Variants in CDC42BPA observed in about 807,000 individuals in gnomAD.
The protein encoded by CDC42BPA is serine/threonine-protein kinase MRCK alpha.
In CDC42BPA, 80 loss-of-function variants were observed where a neutral mutation model predicts 223.5. The observed-to-expected ratio is 0.36, with a 90% CI of 0.30 to 0.43. The LOEUF (loss-of-function observed/expected upper bound fraction) is 0.43. Among genes scored for constraint, CDC42BPA ranks in the 20% least tolerant of loss-of-function variants. The pLI is 1.00. For synonymous variants in CDC42BPA, 694 were observed against 718.6 expected (o/e 0.97, Z 0.55); for missense variants, 1,743 against 2,099.9 (o/e 0.83, Z 3.32).
intron 26 of CDC42BPA, 147 bp from the exon 27 acceptor site, chr1:227,033,562 T>C (rs565770288): frequency 1.3e-4 from 81 of 606,524 alleles, no homozygotes; most frequent in Non-Finnish European, 2.2e-4. Flanking sequence ...TCCCCCATTG[T>C]AATTAATAGT....
At chr1:227,288,489 G>A (rs930461613) in intron 1 of CDC42BPA, among the ~76,000 whole-genome samples, 13 of 151,966 alleles carry the variant, frequency 8.6e-5, no homozygotes, top group African/African-American at 2.4e-4. Flanking sequence ...CCTTAAGGCC[G>A]GGAGTTCAAG....
intron 5 of CDC42BPA, among the ~76,000 whole-genome samples, chr1:227,188,141 A>G (rs1261672074): frequency 6.6e-6 from 1 of 152,174 alleles, no homozygotes; most frequent in Non-Finnish European, 1.5e-5. Context: ...ATTAGTCTAA[A>G]AGATAACAGT....
At chr1:227,073,099 A>G (rs1161466205) in intron 19 of CDC42BPA, among the ~76,000 whole-genome samples, 1 of 152,142 alleles carries the variant, frequency 6.6e-6, no homozygotes, top group Non-Finnish European at 1.5e-5. Flanking sequence ...ACCATTAAAA[A>G]CTGAATTCAT....
At chr1:227,047,423 A>C (rs1446727717) in intron 23 of CDC42BPA, among the ~76,000 whole-genome samples, 1 of 151,934 alleles carries the variant, frequency 6.6e-6, no homozygotes, top group Admixed American at 6.6e-5. Flanking sequence ...TGGTTTATCC[A>C]AGGTTTATGT....
At position 227,212,448 on chromosome 1, in the gene CDC42BPA, AC is replaced by A. The variant is rs11326328; in HGVS notation, c.354+687del. Reference sequence around the variant, plus strand: ...AGTTAAAATACTGACAGAATTCTACACCAGTTAAGTTCTGCTTCCCTGAAGC... The same window carrying A: ...AGTTAAAATACTGACAGAATTCTACACAGTTAAGTTCTGCTTCCCTGAAGC... On this transcript the variant is annotated intron_variant, in intron 3 of 36. Transcript: ENST00000366766. 5.5e-3 allele frequency among the ~76,000 whole-genome samples: 842 copies of A among 152,264 alleles called. 6 individuals carry two copies. The highest frequency in any genetic ancestry group is 0.019 in the African/African-American group (804 of 41,566).
intron 11 of CDC42BPA, among the ~76,000 whole-genome samples, chr1:227,120,715 T>C (rs11806633): frequency 0.06 from 9,118 of 152,270 alleles, 281 homozygotes; most frequent in Non-Finnish European, 0.073. Flanking sequence ...TAGTAAAGAA[T>C]TGAAGTCAGT....
chr1:227,148,080 A>G (rs1245344879), intron 6 of CDC42BPA, among the ~76,000 whole-genome samples: 1 of 152,178 alleles, frequency 6.6e-6, no homozygotes. Flanking sequence ...ATAAAAGAAG[A>G]GGTATATCCT....
intron 1 of CDC42BPA, among the ~76,000 whole-genome samples, chr1:227,258,493 T>C (rs1237918247): frequency 6.6e-6 from 1 of 151,014 alleles, no homozygotes; most frequent in Admixed American, 6.6e-5. Flanking sequence ...TCTTGTCATA[T>C]GATGATACCC....
At chr1:227,179,610 T>C (rs1381293570) in intron 5 of CDC42BPA, among the ~76,000 whole-genome samples, 2 of 105,914 alleles carry the variant, frequency 1.9e-5, no homozygotes, top group African/African-American at 7.6e-5. Context: ...CACTCCAGCC[T>C]GGGCAACAGA....
At chr1:227,285,309 G>A (rs182189287) in intron 1 of CDC42BPA, among the ~76,000 whole-genome samples, 68 of 152,288 alleles carry the variant, frequency 4.5e-4, no homozygotes, top group Admixed American at 9.8e-4. Flanking sequence ...CTAGAAGTGA[G>A]TAGCAATCAT....
intron 1 of CDC42BPA, among the ~76,000 whole-genome samples, chr1:227,280,008 A>C (rs921368660): frequency 9.9e-5 from 15 of 152,192 alleles, no homozygotes; most frequent in African/African-American, 2.9e-4. Flanking sequence ...CAGTGAACCG[A>C]GATTGTGCCA....
In CDC42BPA at chr1:227,297,935, GTT is replaced by G. The variant is rs1558984584; in HGVS notation, c.178+19068_178+19069del. ...TAAAGGGGCTAAAATGGCAAATTTT[GTT>G]TTATGTGTGTGTGTGTGTATATATA... On this transcript the variant is annotated intron_variant, in intron 1 of 36. Coordinates refer to ENST00000366766, the MANE Select transcript of CDC42BPA (RefSeq NM_001394014.1). 6.0e-5 allele frequency among the ~76,000 whole-genome samples: 7 copies of G among 117,002 alleles called. 1 individual carries two copies. Among genetic ancestry groups the G allele is most frequent in the Admixed American group, 2.8e-4 (3 of 10,874 alleles). The allele number at this position is 117,002 out of a possible 152,430, so 76.8% of individuals were successfully genotyped here. A position where few individuals can be genotyped will look rare whatever the true frequency, so the allele number is the denominator to read the frequency against.
At chr1:226,996,157 G>T (rs774646448) in intron 35 of CDC42BPA, among the ~76,000 whole-genome samples, 1 of 152,122 alleles carries the variant, frequency 6.6e-6, no homozygotes, top group South Asian at 2.1e-4. Context: ...GCATTTCCTC[G>T]ACACTGGAAC....
intron 1 of CDC42BPA, among the ~76,000 whole-genome samples, chr1:227,312,662 AG>A (rs1347553466): frequency 8.5e-5 from 13 of 152,230 alleles, no homozygotes; most frequent in African/African-American, 3.1e-4. Context: ...AGACCAGCCT[AG>A]GTAACACAGT....
intron 32 of CDC42BPA, among the ~76,000 whole-genome samples, chr1:227,017,609 G>A (rs577754124): frequency 6.6e-6 from 1 of 152,080 alleles, no homozygotes; most frequent in Non-Finnish European, 1.5e-5. Context: ...CTTTATAAAA[G>A]GTAAGAATCT....
At chr1:227,147,635 TAG>T in intron 6 of CDC42BPA, 76 bp from the exon 7 acceptor site, 1 of 710,668 alleles carries the variant, frequency 1.4e-6, no homozygotes. Flanking sequence ...AGATACACAA[TAG>T]ACATTATTAT....
rs34012294 is a variant in CDC42BPA at position 227,170,466 on chromosome 1, A to AAAG, written c.600-9831_600-9830insCTT. On this transcript the variant is annotated intron_variant, in intron 5 of 36. Coordinates refer to ENST00000366766, the MANE Select transcript of CDC42BPA (RefSeq NM_001394014.1). ...TCAGACTCATGAGCAAAAAAAAAAA[A>AAAG]GAAAAAAAAAATTGTTGTTGTTTTA... 2.9e-3 allele frequency among the ~76,000 whole-genome samples: 442 copies of AAAG among 150,928 alleles called. 1 individual carries two copies. Among genetic ancestry groups the AAAG allele is most frequent in the African/African-American group, 1.0e-2 (407 of 40,842 alleles).
intron 3 of CDC42BPA, among the ~76,000 whole-genome samples, chr1:227,201,203 G>C (rs905429459): frequency 5.3e-5 from 8 of 151,976 alleles, no homozygotes; most frequent in Non-Finnish European, 8.8e-5. Context: ...CTGGAGTACA[G>C]TGGTACAATC....
At chr1:227,101,613 T>C (rs1685066866) in intron 14 of CDC42BPA, among the ~76,000 whole-genome samples, 1 of 152,096 alleles carries the variant, frequency 6.6e-6, no homozygotes, top group Non-Finnish European at 1.5e-5. Context: ...CTAAATCTGA[T>C]GAAGAACTGA....
Sources: allele counts gnomAD v4.1 joint callset (sites outside exome capture counted in the v4.1 genomes callset), GRCh38; gene constraint gnomAD v4.1.1; transcripts MANE v1.5; gene names NCBI Gene and HGNC (gene_info 2026-07-23, HGNC 2026-07-21).